ADGRA3: variants seen among roughly 807,000 people sequenced by gnomAD.
ADGRA3 encodes G-protein coupled receptor 125.
In ADGRA3, 56 loss-of-function variants were observed where a neutral mutation model predicts 119.8. The observed-to-expected ratio is 0.47, with a 90% CI of 0.38 to 0.58. The LOEUF is 0.58. Ranked by LOEUF, ADGRA3 falls within the 20% of genes least tolerant of loss-of-function variation. The pLI is 0.00. For missense variants in ADGRA3, 1,516 were observed against 1,649.0 expected (o/e 0.92, Z 1.40); for synonymous variants, 607 against 623.8 (o/e 0.97, Z 0.40).
At chr4:22,441,951 G>A (rs1716631969) in intron 7 of ADGRA3, among the ~76,000 whole-genome samples, 1 of 152,084 alleles carries the variant, frequency 6.6e-6, no homozygotes, top group South Asian at 2.1e-4. Context: ...TAGCACCCCT[G>A]TGAGTTTGCT....
chr4:22,406,006 C>G (rs1714905236), intron 14 of ADGRA3, among the ~76,000 whole-genome samples: 1 of 152,020 alleles, frequency 6.6e-6, no homozygotes, highest in Non-Finnish European at 1.5e-5. Flanking sequence ...TTCCATTCTC[C>G]TTTCTACCTC....
intron 3 of ADGRA3, chr4:22,455,983 T>C (rs1383803860): frequency 5.0e-6 from 2 of 403,304 alleles, no homozygotes; most frequent in Non-Finnish European, 4.5e-6. Flanking sequence ...TTCAAAAATA[T>C]TTTCATCATA....
intron 1 of ADGRA3, among the ~76,000 whole-genome samples, chr4:22,494,928 C>A (rs1718758233): frequency 6.6e-6 from 1 of 151,944 alleles, no homozygotes; most frequent in Non-Finnish European, 1.5e-5. Flanking sequence ...GTAGCAAACT[C>A]TACATACACT....
At chr4:22,488,739 A>G (rs1694884700) in intron 1 of ADGRA3, among the ~76,000 whole-genome samples, 1 of 152,200 alleles carries the variant, frequency 6.6e-6, no homozygotes. Flanking sequence ...AAGATTCAAT[A>G]ACAGCACAGA....
intron 1 of ADGRA3, among the ~76,000 whole-genome samples, chr4:22,503,056 A>G (rs1032692236): frequency 6.6e-6 from 1 of 152,196 alleles, no homozygotes; most frequent in Non-Finnish European, 1.5e-5. Context: ...ATTCCAAAAC[A>G]GTATGACAGC....
At position 22,436,578 on chromosome 4, in the gene ADGRA3, A is replaced by G. The variant is rs948525896; in HGVS notation, c.1149T>C (p.Ser383=). 11 of 1,614,102 alleles carry G rather than the reference A, an allele frequency of 6.8e-6. No homozygotes were observed. Among genetic ancestry groups the G allele is most frequent in the East Asian group, 2.2e-5 (1 of 44,864 alleles). Residue 383 remains serine (S), a synonymous_variant, in exon 9 of 19, where the codon AGT becomes AGC. Transcript: ENST00000334304. ...CCTGTGGGTTTCCGGGATATATCCC[A>G]CTGCCATGGGTGTTCCGCGTACACT... ...YLQCTRNTHG[S]GIYPGNPQDE...
rs370051748 is a variant in ADGRA3 at position 22,425,987 on chromosome 4, A to G, written c.1444-1635T>C. ...ACTTCCCTTCTTCGTAACTACAGAT[A>G]ATAATAGTCCTGTCTTTCTGAATGT... On this transcript the variant is annotated intron_variant, in intron 10 of 18. Transcript: ENST00000334304. Among the ~76,000 whole-genome samples the G allele has an allele frequency of 3.1e-4, 47 of 152,338 alleles. 1 individual carries two copies. In the South Asian group the frequency reaches 9.5e-3, roughly 31 times the overall value.
intron 2 of ADGRA3, among the ~76,000 whole-genome samples, chr4:22,472,381 G>GTGTA (rs569999313): frequency 2.8e-4 from 42 of 152,296 alleles, no homozygotes; most frequent in Middle Eastern, 3.4e-3. Context: ...ACCATGGAAT[G>GTGTA]TGTATGAAGG....
At chr4:22,446,650 G>A (rs4697299) in intron 5 of ADGRA3, among the ~76,000 whole-genome samples, 152,142 of 152,188 alleles carry the variant, frequency 1, 76,048 homozygotes, top group Non-Finnish European at 1. Flanking sequence ...TTTAAATGAC[G>A]GGTGCAGGAA....
At chr4:22,453,425 A>C (rs1357276450) in intron 4 of ADGRA3, among the ~76,000 whole-genome samples, 2 of 152,206 alleles carry the variant, frequency 1.3e-5, no homozygotes, top group African/African-American at 4.8e-5. Context: ...GGACACACTG[A>C]AAACAGCTAC....
intron 10 of ADGRA3, among the ~76,000 whole-genome samples, chr4:22,434,180 G>C (rs575013418): frequency 9.8e-4 from 142 of 144,636 alleles, no homozygotes; most frequent in African/African-American, 3.5e-3. Context: ...ATATACATTA[G>C]ATATATCTAA....
chr4:22,515,607 C>G lies in ADGRA3; in HGVS notation c.178G>C (p.Glu60Gln). 6.4e-7 allele frequency: 1 copy of G among 1,550,598 alleles called. No homozygotes were observed. The highest frequency in any genetic ancestry group is 8.7e-7 in the Non-Finnish European group (1 of 1,149,600). Reference protein sequence around the residue: ...RGAGRAAGAAEGKVVCSSLEL... With the variant: ...RGAGRAAGAAQGKVVCSSLEL... ...AGGCTGCTGCACACCACCTTGCCCT[C>G]GGCGGCGCCCGCCGCCCTGCCAGCC... Residue 60 changes from glutamate to glutamine, a missense_variant, in exon 1 of 19, where the codon GAG becomes CAG. Transcript: ENST00000334304.
At chr4:22,394,631 C>G (rs528959278) in intron 16 of ADGRA3, 40 of 152,262 alleles carry the variant, frequency 2.6e-4, no homozygotes, top group African/African-American at 9.4e-4. Flanking sequence ...CTGGAGGTGT[C>G]TCTGACACAA....
In ADGRA3 at chr4:22,437,541, A is replaced by C. The variant is rs547096348; in HGVS notation, c.1085+715T>G. Among the ~76,000 whole-genome samples the C allele has an allele frequency of 3.9e-5, 6 of 152,344 alleles. No homozygotes were observed. In the East Asian group the frequency reaches 1.2e-3, roughly 29 times the overall value. On this transcript the variant is annotated intron_variant, in intron 8 of 18. Coordinates refer to ENST00000334304, the MANE Select transcript of ADGRA3 (RefSeq NM_145290.4). Reference sequence around the variant, plus strand: ...CTCATTTTTTAAATCCCTGAACATAAATAAGATCAAGTAAATAAGATATTT... The same window carrying C: ...CTCATTTTTTAAATCCCTGAACATACATAAGATCAAGTAAATAAGATATTT...
intron 1 of ADGRA3, among the ~76,000 whole-genome samples, chr4:22,491,917 G>T (rs1718637001): frequency 6.6e-6 from 1 of 152,122 alleles, no homozygotes; most frequent in African/African-American, 2.4e-5. Context: ...TCTGTTGGGG[G>T]AATAACATTT....
intron 11 of ADGRA3, among the ~76,000 whole-genome samples, chr4:22,423,840 T>G (rs1577339420): frequency 6.6e-6 from 1 of 152,314 alleles, no homozygotes; most frequent in East Asian, 1.9e-4. Context: ...TATTTTCCAT[T>G]GCAGAAACAC....
At chr4:22,514,686 CCAATTCATCCTTCTGAAAA>C (rs1474777481) in intron 1 of ADGRA3, 1 of 152,210 alleles carries the variant, frequency 6.6e-6, no homozygotes, top group Non-Finnish European at 1.5e-5. Flanking sequence ...ACTTTCCAAA[CCAATTCATCCTTCTGAAAA>C]CAAACTCGAC....
intron 7 of ADGRA3, 75 bp downstream of exon 7, chr4:22,442,574 TA>T: frequency 1.0e-6 from 1 of 984,714 alleles, no homozygotes. Flanking sequence ...CAAATTCCAC[TA>T]AACATTACAC....
intron 1 of ADGRA3, among the ~76,000 whole-genome samples, chr4:22,506,458 C>T (rs1258734511): frequency 6.6e-6 from 1 of 152,124 alleles, no homozygotes; most frequent in African/African-American, 2.4e-5. Context: ...GAAGCTGAGG[C>T]ACAAGAATCA....
Sources: allele counts gnomAD v4.1 joint callset (sites outside exome capture counted in the v4.1 genomes callset), GRCh38; gene constraint gnomAD v4.1.1; transcripts MANE v1.5; gene names NCBI Gene and HGNC (gene_info 2026-07-23, HGNC 2026-07-21).